Variants in NFATC1 observed in about 807,000 individuals in gnomAD.
NFATC1 encodes the protein nuclear factor of activated T-cells, cytoplasmic 1.
Under a neutral mutation model 76.0 loss-of-function variants are expected in NFATC1, and 22 were observed. That is an observed-to-expected ratio of 0.29 (90% CI 0.21 to 0.41). The LOEUF (loss-of-function observed/expected upper bound fraction) is 0.41. Ranked by LOEUF, NFATC1 falls within the 10% of genes least tolerant of loss-of-function variation. The pLI is 1.00. For synonymous variants in NFATC1, 704 were observed against 613.1 expected (o/e 1.15, Z -2.19); for missense variants, 1,357 against 1,337.7 (o/e 1.01, Z -0.23).
intron 9 of NFATC1, chr18:79,527,184 G>A (rs2090789697): frequency 9.0e-6 from 2 of 221,240 alleles, no homozygotes; most frequent in East Asian, 1.0e-4. Context: ...CCACAGAAGT[G>A]CTGGTGTGGA....
At chr18:79,448,540 G>A in intron 3 of NFATC1, 1 of 559,750 alleles carries the variant, frequency 1.8e-6, no homozygotes, top group Non-Finnish European at 3.2e-6. Flanking sequence ...CACAGCAAGT[G>A]TGGATGCATA....
At chr18:79,421,282 A>G (rs2086082721) in intron 2 of NFATC1, 1 of 152,312 alleles carries the variant, frequency 6.6e-6, no homozygotes, top group Non-Finnish European at 1.5e-5. Context: ...TGTTCCCAGA[A>G]CTCGAGGGTT....
At chr18:79,454,269 C>A (rs756759212) in intron 6 of NFATC1, among the ~76,000 whole-genome samples, 3 of 152,194 alleles carry the variant, frequency 2.0e-5, no homozygotes, top group Non-Finnish European at 4.4e-5. Flanking sequence ...AGGCCAGGGT[C>A]GGCTCCACCC....
intron 9 of NFATC1, among the ~76,000 whole-genome samples, chr18:79,500,260 T>C (rs965612767): frequency 2.6e-5 from 4 of 152,116 alleles, no homozygotes; most frequent in African/African-American, 7.2e-5. Flanking sequence ...CCACAAATAT[T>C]TGGAAACTAA....
chr18:79,396,069 ACG>A lies in NFATC1; in HGVS notation c.-150_-149del. 1 of 912,556 alleles carries A rather than the reference ACG, an allele frequency of 1.1e-6. No individual in the cohort carries two copies. The highest frequency in any genetic ancestry group is 1.4e-6 in the Non-Finnish European group (1 of 725,954). The allele number at this position is 912,556 out of a possible 1,614,324, so 56.5% of individuals were successfully genotyped here. On this transcript the variant is annotated 5_prime_UTR_variant, in exon 1 of 10. Coordinates refer to ENST00000427363, the MANE Select transcript of NFATC1 (RefSeq NM_001278669.2). ...CCTAGGGCCGCGGCCGGGCCCCGCC[ACG>A]CGCGCACACGCCCCTCGATGACTTT...
Position 79,411,268 on chromosome 18 carries a change from C to T in NFATC1, c.993C>T (p.Val331=). 6.2e-7 allele frequency: 1 copy of T among 1,603,314 alleles called. No homozygotes were observed. Among genetic ancestry groups the T allele is most frequent in the Non-Finnish European group, 8.5e-7 (1 of 1,179,718 alleles). Residue 331 remains valine (V), a synonymous_variant, in exon 2 of 10, where the codon GTC becomes GTT. Coordinates refer to ENST00000427363, the MANE Select transcript of NFATC1 (RefSeq NM_001278669.2). ...GCAGCCTGGACCTGGGAGATGGCGT[C>T]CCTGTCAAGTCCCGCAAGACCACCC... The part of the protein sequence containing the change: ...TDSSLDLGDG[V]PVKSRKTTLE...
intron 1 of NFATC1, among the ~76,000 whole-genome samples, chr18:79,409,146 TCCG>T (rs201176197): frequency 2.6e-5 from 2 of 78,134 alleles, no homozygotes; most frequent in Non-Finnish European, 6.9e-5. Context: ...TATCCATCCA[TCCG>T]TCATCCATCT....
intron 8 of NFATC1, chr18:79,470,176 G>A (rs2088719391): frequency 5.0e-6 from 1 of 201,190 alleles, no homozygotes; most frequent in South Asian, 1.7e-4. Context: ...TGTGGTCCGA[G>A]AGATAGTTGC....
chr18:79,424,117 G>T (rs1048589020), intron 2 of NFATC1, among the ~76,000 whole-genome samples: 1 of 152,264 alleles, frequency 6.6e-6, no homozygotes, highest in South Asian at 2.1e-4. Context: ...CATCCCTGGG[G>T]CAGGCTGTGG....
At chr18:79,412,819 A>C (rs1389366448) in intron 2 of NFATC1, among the ~76,000 whole-genome samples, 1 of 152,224 alleles carries the variant, frequency 6.6e-6, no homozygotes, top group Non-Finnish European at 1.5e-5. Context: ...TGAGGTTTCG[A>C]GAGAAAGCAA....
chr18:79,486,251 C>A lies in NFATC1; in HGVS notation c.2096C>A (p.Pro699Gln). The A allele has an allele frequency of 6.3e-7, 1 of 1,595,466 alleles. No individual in the cohort carries two copies. The highest frequency in any genetic ancestry group is 8.6e-7 in the Non-Finnish European group (1 of 1,167,964). ...ATTTTTTTTTTCCTTCTCACAGTTC[C>A]AATTATAAAAACAGAACCCACTGAT... Reference protein sequence around the residue: ...QRFTYLPANVPIIKTEPTDDY... With the variant: ...QRFTYLPANVQIIKTEPTDDY... The change falls in exon 9 of 10, where the codon CCA (proline) becomes CAA (glutamine). Residue 699 changes from proline (P) to glutamine (Q), a missense_variant. Around this residue, in one of 3 missense-constraint regions of NFATC1, gnomAD observed 424 missense variants for 395.4 expected, o/e 1.07. Transcript: ENST00000427363.
At chr18:79,523,515 A>T (rs896369180) in intron 9 of NFATC1, among the ~76,000 whole-genome samples, 1 of 152,292 alleles carries the variant, frequency 6.6e-6, no homozygotes, top group Non-Finnish European at 1.5e-5. Context: ...GTTTACGCAC[A>T]GCTAGTGAGA....
intron 8 of NFATC1, among the ~76,000 whole-genome samples, chr18:79,476,120 T>G (rs1012890666): frequency 1.3e-5 from 2 of 151,930 alleles, no homozygotes; most frequent in Non-Finnish European, 1.5e-5. Context: ...GAGGTGTGAG[T>G]CAGTGGGGAG....
intron 3 of NFATC1, among the ~76,000 whole-genome samples, chr18:79,442,566 C>T (rs750982724): frequency 3.3e-5 from 5 of 152,230 alleles, no homozygotes; most frequent in South Asian, 2.1e-4. Context: ...AGCCGGGGTC[C>T]GGGAAACAGG....
intron 7 of NFATC1, among the ~76,000 whole-genome samples, chr18:79,466,450 C>CGAGTAACGCTGGGGCCT (rs2088497519): frequency 1.3e-5 from 2 of 152,182 alleles, no homozygotes; most frequent in African/African-American, 4.8e-5. Context: ...ATCAGGGGCC[C>CGAGTAACGCTGGGGCCT]GAGTAACGCT....
At chr18:79,461,203 A>T in intron 6 of NFATC1, 108 bp from the exon 7 acceptor site, 1 of 1,319,140 alleles carries the variant, frequency 7.6e-7, no homozygotes, top group Non-Finnish European at 1.1e-6. Context: ...CTCCTGGGAC[A>T]AGGCGCCCTC....
chr18:79,400,138 A>T, intron 1 of NFATC1: 46 of 654,318 alleles, frequency 7.0e-5, no homozygotes, highest in East Asian at 1.3e-4. Context: ...CGCGCGCGCG[A>T]GGGGGCGGGG....
chr18:79,520,554 C>T (rs2090498566), intron 9 of NFATC1, among the ~76,000 whole-genome samples: 1 of 135,574 alleles, frequency 7.4e-6, no homozygotes, highest in South Asian at 2.5e-4. Flanking sequence ...GTGCATCCAC[C>T]ACTAATGTGT....
intron 2 of NFATC1, among the ~76,000 whole-genome samples, chr18:79,423,256 T>C (rs1422334185): frequency 2.0e-5 from 3 of 152,188 alleles, no homozygotes; most frequent in African/African-American, 2.4e-5. Context: ...ACCTCTGCAC[T>C]CCGGCCTCAC....
Sources: allele counts gnomAD v4.1 joint callset (sites outside exome capture counted in the v4.1 genomes callset), GRCh38; gene constraint gnomAD v4.1.1; regional missense constraint gnomAD v4.1.1; transcripts MANE v1.5; gene names NCBI Gene and HGNC (gene_info 2026-07-23, HGNC 2026-07-21).